CALN1: variants seen among roughly 807,000 people sequenced by gnomAD.
CALN1 encodes the protein calcium-binding protein 8.
Under a neutral mutation model 30.6 loss-of-function variants are expected in CALN1, and 17 were observed. The observed-to-expected ratio is 0.56, with a 90% CI of 0.38 to 0.83. The LOEUF (loss-of-function observed/expected upper bound fraction) is 0.83, where lower values mean the gene tolerates loss of function less well. Ranked by LOEUF, CALN1 falls within the 40% of genes least tolerant of loss-of-function variation. The pLI is 0.00. For missense variants in CALN1, 291 were observed against 354.9 expected (o/e 0.82, Z 1.45); for synonymous variants, 156 against 131.4 (o/e 1.19, Z -1.28).
intron 4 of CALN1, among the ~76,000 whole-genome samples, chr7:72,082,141 C>T (rs1460812649): frequency 2.0e-5 from 3 of 152,064 alleles, no homozygotes; most frequent in African/African-American, 4.8e-5. Context: ...CATGTGCCAC[C>T]GGGCCGGCTA....
chr7:72,393,109 C>G (rs1585646932), intron 2 of CALN1, among the ~76,000 whole-genome samples: 2 of 152,022 alleles, frequency 1.3e-5, no homozygotes, highest in East Asian at 3.9e-4. Flanking sequence ...ATTACAGGGT[C>G]ATAGCCCAAA....
intron 1 of CALN1, among the ~76,000 whole-genome samples, chr7:72,439,363 C>T (rs933430337): frequency 1.5e-4 from 23 of 152,058 alleles, no homozygotes; most frequent in Non-Finnish European, 2.9e-4. Context: ...AAAAACTTGA[C>T]TGCTAATAGC....
intron 4 of CALN1, 57 bp downstream of exon 4, chr7:72,106,094 T>A: frequency 6.3e-7 from 1 of 1,582,804 alleles, no homozygotes. Flanking sequence ...AAACCGAAGG[T>A]CTCACTGATG....
intron 3 of CALN1, among the ~76,000 whole-genome samples, chr7:72,180,871 G>A (rs941112432): frequency 6.6e-6 from 1 of 151,904 alleles, no homozygotes; most frequent in African/African-American, 2.4e-5. Flanking sequence ...GCCAAGAAGG[G>A]CGGATCACCT....
At chr7:72,286,388 C>T (rs1445324762) in intron 2 of CALN1, among the ~76,000 whole-genome samples, 1 of 152,168 alleles carries the variant, frequency 6.6e-6, no homozygotes, top group African/African-American at 2.4e-5. Flanking sequence ...GGACCCTGCA[C>T]ATGAAGATGA....
intron 3 of CALN1, among the ~76,000 whole-genome samples, chr7:72,234,752 T>G (rs1007841454): frequency 2.6e-5 from 4 of 152,042 alleles, no homozygotes; most frequent in African/African-American, 9.7e-5. Context: ...GGACATGAAG[T>G]CCACTTGTCT....
chr7:72,198,676 A>T (rs1240923149), intron 3 of CALN1, among the ~76,000 whole-genome samples: 1 of 152,180 alleles, frequency 6.6e-6, no homozygotes, highest in African/African-American at 2.4e-5. Context: ...AAAAAAGAAA[A>T]AGGGATTACT....
chr7:72,416,472 C>T (rs181595674), upstream of CALN1, among the ~76,000 whole-genome samples: 3 of 152,266 alleles, frequency 2.0e-5, no homozygotes, highest in Non-Finnish European at 2.9e-5. Flanking sequence ...CGGTGGCTCA[C>T]GCTGTAATCC....
intron 3 of CALN1, among the ~76,000 whole-genome samples, chr7:72,170,612 AGAGTC>A (rs1247921387): frequency 1.3e-5 from 2 of 152,218 alleles, no homozygotes; most frequent in Non-Finnish European, 2.9e-5. Context: ...GCACATAAAG[AGAGTC>A]CTACATCCTA....
Position 71,991,386 on chromosome 7 carries a change from G to A in CALN1, c.501+32271C>T, listed in dbSNP as rs533419288. On this transcript the variant is annotated intron_variant, in intron 5 of 6. Coordinates refer to ENST00000395275, the MANE Select transcript of CALN1 (RefSeq NM_031468.4). ...TGACAGGAGAATCACTTGAACCCAG[G>A]AGGCAGAGCTTTCGATGAGCTAAGA... Among the ~76,000 whole-genome samples, 78 of 151,976 alleles carry A rather than the reference G, an allele frequency of 5.1e-4. 1 individual carries two copies. In the South Asian group the frequency reaches 0.012, roughly 24 times the overall value.
intron 5 of CALN1, among the ~76,000 whole-genome samples, chr7:71,928,642 T>C (rs1386866461): frequency 3.3e-5 from 5 of 152,284 alleles, no homozygotes; most frequent in East Asian, 1.9e-4. Flanking sequence ...GCTTAAAGTA[T>C]ACAAGTCAAT....
At chr7:72,409,451 G>C (rs1404205896) in intron 1 of CALN1, among the ~76,000 whole-genome samples, 2 of 145,298 alleles carry the variant, frequency 1.4e-5, no homozygotes, top group African/African-American at 2.5e-5. Flanking sequence ...ATCTTAAACG[G>C]ATCTCTGTGC....
chr7:71,816,924 C>T (rs1264442790), intron 5 of CALN1, among the ~76,000 whole-genome samples: 3 of 152,090 alleles, frequency 2.0e-5, no homozygotes, highest in Non-Finnish European at 2.9e-5. Flanking sequence ...GCCGAGATTG[C>T]ACCACTGCAC....
chr7:71,792,101 C>A lies in CALN1; in HGVS notation c.659-4199G>T, dbSNP rs529441106. 3.9e-5 allele frequency among the ~76,000 whole-genome samples: 6 copies of A among 152,304 alleles called. No homozygotes were observed. The East Asian group carries it at 1.2e-3, about 29-fold the overall frequency. On this transcript the variant is annotated intron_variant, in intron 6 of 6. Coordinates refer to ENST00000395275, the MANE Select transcript of CALN1 (RefSeq NM_031468.4). The stretch of plus-strand genomic sequence containing the variant: ...CACTTCAAATGCTGGGTGTGGTGGA[C>A]AGAGCTGCGACCTGGCACTAATTCA...
At chr7:71,819,244 T>A (rs1477205158) in intron 5 of CALN1, among the ~76,000 whole-genome samples, 1 of 151,422 alleles carries the variant, frequency 6.6e-6, no homozygotes, top group Non-Finnish European at 1.5e-5. Flanking sequence ...GTTTCACTCT[T>A]GCTCCCCAGG....
chr7:72,055,498 G>A (rs1045958376), intron 4 of CALN1, among the ~76,000 whole-genome samples: 7 of 151,700 alleles, frequency 4.6e-5, no homozygotes, highest in East Asian at 1.9e-4. Flanking sequence ...GGTAATCATC[G>A]TTGCAAAAAA....
At chr7:72,377,041 G>A (rs1341259625) in intron 2 of CALN1, among the ~76,000 whole-genome samples, 1 of 152,040 alleles carries the variant, frequency 6.6e-6, no homozygotes, top group African/African-American at 2.4e-5. Flanking sequence ...TCTATTCCAT[G>A]GCATATATTT....
At chr7:72,123,179 T>G (rs1808509174) in intron 3 of CALN1, among the ~76,000 whole-genome samples, 1 of 152,218 alleles carries the variant, frequency 6.6e-6, no homozygotes, top group South Asian at 2.1e-4. Flanking sequence ...CATTTTGTAG[T>G]GTCTTAAACC....
chr7:71,994,194 A>G (rs1799118951), intron 5 of CALN1, among the ~76,000 whole-genome samples: 1 of 152,186 alleles, frequency 6.6e-6, no homozygotes, highest in South Asian at 2.1e-4. Flanking sequence ...AAGGAATGAC[A>G]ATGTAAATAA....
Sources: gnomAD v4.1 joint callset for allele counts (sites outside exome capture counted in the v4.1 genomes callset) on GRCh38, gnomAD v4.1.1 for gene constraint, MANE v1.5 for transcripts, NCBI Gene and HGNC (gene_info 2026-07-23, HGNC 2026-07-21) for gene names.